UBR4: variants seen among roughly 807,000 people sequenced by gnomAD.
The protein encoded by UBR4 is E3 ubiquitin-protein ligase UBR4.
In UBR4, 124 loss-of-function variants were observed where a neutral mutation model predicts 575.6. That is an observed-to-expected ratio of 0.22 (90% CI 0.19 to 0.25). UBR4 has a LOEUF of 0.25. Ranked by LOEUF, UBR4 falls within the 10% of genes least tolerant of loss-of-function variation. The pLI, the probability that UBR4 is intolerant of heterozygous loss-of-function variation, is 1.00. For missense variants in UBR4, 4,818 were observed against 6,478.8 expected (o/e 0.74, Z 8.80); for synonymous variants, 2,455 against 2,473.7 (o/e 0.99, Z 0.22).
intron 75 of UBR4, among the ~76,000 whole-genome samples, chr1:19,114,549 A>G (rs1337033566): frequency 1.3e-5 from 2 of 152,254 alleles, no homozygotes; most frequent in Non-Finnish European, 2.9e-5. Flanking sequence ...AGGGCAAAGC[A>G]TCCAAATCCA....
Position 19,081,435 on chromosome 1 carries a change from C to G in UBR4, c.15147G>C (p.Glu5049Asp). 1 of 1,614,088 alleles carries G rather than the reference C, an allele frequency of 6.2e-7. No individual in the cohort carries two copies. The highest frequency in any genetic ancestry group is 8.5e-7 in the Non-Finnish European group (1 of 1,180,030). ...TTTCCACACGTGTGGCTCTCCACTG[C>G]TCAGGGGGCAGGATGTGAAGGGCCA... ...TVLALHILPP[E>D]QWRATRVEIL... The change falls in exon 103 of 106, where the codon GAG becomes GAC. Residue 5049 changes from glutamate (E) to aspartate (D), a missense_variant. Glu to Asp is a conservative substitution (Grantham distance 45). Around this residue, in one of 29 missense-constraint regions of UBR4, gnomAD observed 212 missense variants for 221.3 expected, o/e 0.96. Coordinates refer to ENST00000375254, the MANE Select transcript of UBR4 (RefSeq NM_020765.3).
chr1:19,085,918 C>T (rs551230347), intron 101 of UBR4, among the ~76,000 whole-genome samples: 17 of 152,278 alleles, frequency 1.1e-4, no homozygotes, highest in African/African-American at 3.6e-4. Flanking sequence ...GCTAAGGGTG[C>T]TGGTTCCTCC....
At chr1:19,094,268 G>T in intron 94 of UBR4, 129 bp from the exon 95 acceptor site, 2 of 627,932 alleles carry the variant, frequency 3.2e-6, no homozygotes, top group Non-Finnish European at 5.4e-6. Flanking sequence ...ACTATGTCTC[G>T]GCACTTCTTG....
chr1:19,142,161 G>T (rs1381216987), intron 55 of UBR4, among the ~76,000 whole-genome samples: 8 of 152,184 alleles, frequency 5.3e-5, no homozygotes, highest in African/African-American at 1.7e-4. Flanking sequence ...TTTACCTTTT[G>T]TCTGTCATGG....
rs1462117943 is a variant in UBR4, at chr1:19,201,798, T to G, written c.194A>C (p.His65Pro). 4 of 1,614,062 alleles carry G rather than the reference T, an allele frequency of 2.5e-6. No individual in the cohort carries two copies. The highest frequency in any genetic ancestry group is 3.4e-6 in the Non-Finnish European group (4 of 1,179,930). Residue 65 changes from histidine (H) to proline (P), a missense_variant, in exon 2 of 106, where the codon CAC becomes CCC. This residue lies in a region of UBR4 where 85 missense variants were observed against 134.2 expected (regional missense o/e 0.63). Transcript: ENST00000375254. ...GAATGGCTCGTACTGCTTCTCATGG[T>G]GCAGGATTTCTGATTCACTGTAAAA... ...SVIESESEIL[H>P]HEKQYEPFYS... is the part of the protein sequence containing the mutation.
In UBR4 at chr1:19,176,578, G is replaced by C. The variant is rs1319588989; in HGVS notation, c.2773+14C>G. Reference sequence around the variant, plus strand: ...TCAGTAAGTCAGTTTCTTATTAACAGTCTTCTTTCTGACCTGATGAGAAAT... The same window carrying C: ...TCAGTAAGTCAGTTTCTTATTAACACTCTTCTTTCTGACCTGATGAGAAAT... On this transcript the variant is annotated intron_variant, in intron 20 of 105. Transcript: ENST00000375254. 6 of 1,611,274 alleles carry C rather than the reference G, an allele frequency of 3.7e-6. No individual in the cohort carries two copies. In the African/African-American group the frequency reaches 6.7e-5, roughly 18 times the overall value.
chr1:19,209,580 G>A (rs190679100), intron 1 of UBR4, among the ~76,000 whole-genome samples: 2 of 152,334 alleles, frequency 1.3e-5, no homozygotes, highest in Admixed American at 1.3e-4. Context: ...CACAAGGAGT[G>A]CAACGTAAAA....
intron 105 of UBR4, 116 bp downstream of exon 105, chr1:19,076,624 G>T: frequency 7.2e-7 from 1 of 1,393,206 alleles, no homozygotes; most frequent in Non-Finnish European, 1.0e-6. Context: ...GCAGCTGACA[G>T]GCTGGTTCAT....
At chr1:19,091,075 G>A (rs2077465001) in intron 97 of UBR4, among the ~76,000 whole-genome samples, 1 of 144,956 alleles carries the variant, frequency 6.9e-6, no homozygotes, top group Non-Finnish European at 1.5e-5. Context: ...CAGCCTGGGT[G>A]ACAAGAGCAA....
At chr1:19,138,255 A>AG in intron 59 of UBR4, 74 bp from the exon 60 acceptor site, 42 of 1,399,232 alleles carry the variant, frequency 3.0e-5, no homozygotes, top group Non-Finnish European at 3.8e-5. Flanking sequence ...CTAAAGCAGC[A>AG]GCAATAGTTA....
At chr1:19,087,587 C>G (rs2077137041) in intron 99 of UBR4, among the ~76,000 whole-genome samples, 1 of 152,204 alleles carries the variant, frequency 6.6e-6, no homozygotes, top group Non-Finnish European at 1.5e-5. Context: ...TAGGAAGAAT[C>G]CAATGAGCAG....
At chr1:19,182,204 T>C (rs893365161) in intron 17 of UBR4, among the ~76,000 whole-genome samples, 4 of 152,236 alleles carry the variant, frequency 2.6e-5, no homozygotes, top group African/African-American at 4.8e-5. Context: ...CAAATGTCAA[T>C]GGACACCAGG....
chr1:19,108,902 T>C (rs1570577250), intron 81 of UBR4, among the ~76,000 whole-genome samples: 2 of 152,304 alleles, frequency 1.3e-5, no homozygotes, highest in South Asian at 2.1e-4. Context: ...AGTAATTCCG[T>C]GAAAAATCTC....
Position 19,153,112 on chromosome 1 carries a change from C to T in UBR4, c.6832+189G>A, listed in dbSNP as rs970391803. ...TACTAGGCACCAAAGAACTGCTGGC[C>T]TGAAACAGGCAGCCAATGGGTGCTT... On this transcript the variant is annotated intron_variant, in intron 46 of 105. Coordinates refer to ENST00000375254, the MANE Select transcript of UBR4 (RefSeq NM_020765.3). This position sits in a 1 kb window ranked among gnomAD's most constrained non-coding sequence, Gnocchi z 4.1. 1.3e-5 allele frequency among the ~76,000 whole-genome samples: 2 copies of T among 152,228 alleles called. No individual in the cohort carries two copies. Among genetic ancestry groups the T allele is most frequent in the Non-Finnish European group, 2.9e-5 (2 of 68,026 alleles).
chr1:19,192,121 C>T, intron 11 of UBR4, 67 bp downstream of exon 11: 1 of 1,548,510 alleles, frequency 6.5e-7, no homozygotes, highest in Non-Finnish European at 8.7e-7. Flanking sequence ...GTCATACTAG[C>T]TCCCTGTAAA....
At chr1:19,102,019 G>A (rs1403830559) in intron 87 of UBR4, among the ~76,000 whole-genome samples, 2 of 152,218 alleles carry the variant, frequency 1.3e-5, no homozygotes, top group African/African-American at 4.8e-5. Context: ...TCAAAAGGAA[G>A]TTACAGTTAG....
chr1:19,092,017 A>G (rs1343125517), intron 97 of UBR4, among the ~76,000 whole-genome samples: 2 of 152,186 alleles, frequency 1.3e-5, no homozygotes, highest in Non-Finnish European at 2.9e-5. Context: ...CATTCTGTAC[A>G]ACTGCATTTA....
intron 83 of UBR4, 61 bp from the exon 84 acceptor site, chr1:19,105,903 C>CCA: frequency 7.6e-7 from 1 of 1,321,134 alleles, no homozygotes; most frequent in African/African-American, 1.5e-5. Flanking sequence ...CACCAGGCCC[C>CCA]CAGCAGGGCA....
In UBR4 at chr1:19,157,773, C is replaced by T. The variant is rs1557832863; in HGVS notation, c.5760+42G>A. The T allele has an allele frequency of 6.3e-7, 1 of 1,598,306 alleles. No individual in the cohort carries two copies. Among genetic ancestry groups the T allele is most frequent in the Non-Finnish European group, 8.6e-7 (1 of 1,169,474 alleles). On this transcript the variant is annotated intron_variant, in intron 40 of 105. Coordinates refer to ENST00000375254, the MANE Select transcript of UBR4 (RefSeq NM_020765.3). The surrounding 1 kb of genome is among the most constrained non-coding windows in gnomAD (Gnocchi z 4.4). ...AATTTGTTTTGCTTAGCATTTAAGACAATATGACCTAAAGTAAGCGCACAA... is the reference window on the plus strand; with the variant it reads ...AATTTGTTTTGCTTAGCATTTAAGATAATATGACCTAAAGTAAGCGCACAA...
Sources: gnomAD v4.1 joint callset for allele counts (sites outside exome capture counted in the v4.1 genomes callset) on GRCh38, gnomAD v4.1.1 for gene constraint, gnomAD v4.1.1 regional missense constraint, Gnocchi (gnomAD v3.1) non-coding constraint, MANE v1.5 for transcripts, NCBI Gene and HGNC (gene_info 2026-07-23, HGNC 2026-07-21) for gene names.